The following GALNTL6 variants were observed in gnomAD, a reference collection of about 807,000 sequenced individuals.
GALNTL6 encodes polypeptide N-acetylgalactosaminyltransferase-like 6.
Under a neutral mutation model 73.7 loss-of-function variants are expected in GALNTL6, and 46 were observed. The ratio of observed to expected loss-of-function variants is 0.62; its 90% CI spans 0.49 to 0.80. The LOEUF (loss-of-function observed/expected upper bound fraction) is 0.80, where lower values mean the gene tolerates loss of function less well. Ranked by LOEUF, GALNTL6 falls within the 30% of genes least tolerant of loss-of-function variation. The pLI, the probability that GALNTL6 is intolerant of heterozygous loss-of-function variation, is 0.00. For synonymous variants in GALNTL6, 259 were observed against 263.7 expected, an observed-to-expected ratio of 0.98 and a Z score of 0.17; for missense variants, 604 against 755.0, an observed-to-expected ratio of 0.80 and a Z score of 2.34.
At chr4:172,868,536 C>A (rs1030369010) in intron 7 of GALNTL6, among the ~76,000 whole-genome samples, 1 of 152,144 alleles carries the variant, frequency 6.6e-6, no homozygotes, top group African/African-American at 2.4e-5. Context: ...GAACAATGCA[C>A]CAGTGGATCT....
chr4:172,789,042 G>A (rs1316862841), intron 5 of GALNTL6, among the ~76,000 whole-genome samples: 2 of 152,230 alleles, frequency 1.3e-5, no homozygotes, highest in African/African-American at 4.8e-5. Flanking sequence ...GTGGGGTGTA[G>A]TTTTCCCTAC....
At chr4:172,639,899 A>G (rs562366014) in intron 5 of GALNTL6, among the ~76,000 whole-genome samples, 1 of 152,148 alleles carries the variant, frequency 6.6e-6, no homozygotes, top group South Asian at 2.1e-4. Flanking sequence ...TCACTTTTGC[A>G]TCATCAAAGT....
chr4:172,377,724 G>A (rs942488705), intron 5 of GALNTL6, among the ~76,000 whole-genome samples: 9 of 152,130 alleles, frequency 5.9e-5, no homozygotes, highest in Admixed American at 4.6e-4. Flanking sequence ...AGTGCGGCAC[G>A]GGTAGGCTGG....
intron 2 of GALNTL6, among the ~76,000 whole-genome samples, chr4:171,841,831 A>G (rs934307068): frequency 1.3e-5 from 2 of 152,108 alleles, no homozygotes; most frequent in African/African-American, 4.8e-5. Context: ...GAAAAAATAA[A>G]ACTAAGTATA....
In GALNTL6 at chr4:172,053,100, G is replaced by A. The variant is rs554391405; in HGVS notation, c.139-176556G>A. The stretch of plus-strand genomic sequence containing the variant: ...TAAAATACAAATAAATACAACTAAG[G>A]CTGATTTTAAGATAAATGAACTCAC... On this transcript the variant is annotated intron_variant, in intron 2 of 12. Coordinates refer to ENST00000506823, the MANE Select transcript of GALNTL6 (RefSeq NM_001034845.3). Among the ~76,000 whole-genome samples, 10 of 152,132 alleles carry A rather than the reference G, an allele frequency of 6.6e-5. No individual in the cohort carries two copies. In the South Asian group the frequency reaches 1.2e-3, roughly 19 times the overall value.
chr4:172,474,398 T>G (rs1194414774), intron 5 of GALNTL6, among the ~76,000 whole-genome samples: 4 of 152,200 alleles, frequency 2.6e-5, no homozygotes, highest in Admixed American at 6.5e-5. Context: ...GTTCTAATTT[T>G]TATACTGTCT....
intron 3 of GALNTL6, among the ~76,000 whole-genome samples, chr4:172,235,506 C>T: frequency 6.6e-6 from 1 of 152,160 alleles, no homozygotes; most frequent in Non-Finnish European, 1.5e-5. Context: ...TGTGCCAGGA[C>T]AAAAATTTGT....
chr4:172,086,225 A>G (rs191594935), intron 2 of GALNTL6, among the ~76,000 whole-genome samples: 83 of 152,252 alleles, frequency 5.5e-4, no homozygotes, highest in Non-Finnish European at 9.0e-4. Context: ...GTAGAAAATT[A>G]ATACTATGAT....
At chr4:172,388,982 T>C (rs905988121) in intron 5 of GALNTL6, among the ~76,000 whole-genome samples, 3 of 152,038 alleles carry the variant, frequency 2.0e-5, no homozygotes, top group Admixed American at 2.0e-4. Context: ...TTTTTCCAAT[T>C]CCTAATATTT....
In GALNTL6 at chr4:172,438,134, G is replaced by T. The variant is rs565879385; in HGVS notation, c.553+89445G>T. ...ATTTTAGCTGTGATTCATTGACAGT[G>T]CTTTTGAGAATGTATTTGCTACATT... On this transcript the variant is annotated intron_variant, in intron 5 of 12. Transcript: ENST00000506823. Among the ~76,000 whole-genome samples the T allele has an allele frequency of 7.9e-5, 12 of 152,092 alleles. No individual in the cohort carries two copies. In the East Asian group the frequency reaches 2.3e-3, roughly 29 times the overall value.
At chr4:171,849,458 T>G (rs375771025) in intron 2 of GALNTL6, among the ~76,000 whole-genome samples, 85 of 152,328 alleles carry the variant, frequency 5.6e-4, no homozygotes, top group African/African-American at 1.9e-3. Context: ...TCTTTTTTCA[T>G]GGACAGTATA....
intron 2 of GALNTL6, among the ~76,000 whole-genome samples, chr4:172,126,942 G>A (rs1733312645): frequency 1.3e-5 from 2 of 152,212 alleles, no homozygotes; most frequent in Admixed American, 6.5e-5. Flanking sequence ...GCTGTCCTCA[G>A]CAGGAAGCCA....
chr4:172,841,783 T>C (rs1033512715), intron 7 of GALNTL6, among the ~76,000 whole-genome samples: 7 of 152,186 alleles, frequency 4.6e-5, no homozygotes, highest in Non-Finnish European at 8.8e-5. Context: ...GGATTACATT[T>C]CCAGATGAGA....
intron 2 of GALNTL6, among the ~76,000 whole-genome samples, chr4:171,874,237 C>T (rs962878415): frequency 6.6e-6 from 1 of 152,172 alleles, no homozygotes; most frequent in Non-Finnish European, 1.5e-5. Flanking sequence ...CAAAGTCATT[C>T]TGTCATCCAG....
At chr4:171,817,483 C>A (rs1734552633) in intron 2 of GALNTL6, among the ~76,000 whole-genome samples, 1 of 151,044 alleles carries the variant, frequency 6.6e-6, no homozygotes, top group African/African-American at 2.4e-5. Flanking sequence ...ATTCTGCAAT[C>A]TGAAGTAAAT....
intron 5 of GALNTL6, among the ~76,000 whole-genome samples, chr4:172,801,930 T>A (rs1467320514): frequency 6.6e-6 from 1 of 152,148 alleles, no homozygotes; most frequent in African/African-American, 2.4e-5. Context: ...TTCATGATGA[T>A]CCACTTCCAT....
chr4:172,826,684 C>G (rs1187659041), intron 7 of GALNTL6, among the ~76,000 whole-genome samples: 2 of 152,306 alleles, frequency 1.3e-5, no homozygotes, highest in South Asian at 4.1e-4. Context: ...CTACCCATCC[C>G]GTAGGGAGAG....
intron 2 of GALNTL6, among the ~76,000 whole-genome samples, chr4:171,831,857 G>C (rs779395620): frequency 5.9e-5 from 9 of 151,470 alleles, no homozygotes; most frequent in Non-Finnish European, 1.2e-4. Context: ...ATATGTCCTT[G>C]GGTATCATTT....
chr4:172,964,430 T>C (rs751213994), intron 10 of GALNTL6, among the ~76,000 whole-genome samples: 11 of 152,230 alleles, frequency 7.2e-5, no homozygotes, highest in Non-Finnish European at 1.3e-4. Flanking sequence ...GTCCTCAATG[T>C]GCCAATCTGG....
Sources: allele counts gnomAD v4.1 joint callset (sites outside exome capture counted in the v4.1 genomes callset), GRCh38; gene constraint gnomAD v4.1.1; transcripts MANE v1.5; gene names NCBI Gene and HGNC (gene_info 2026-07-23, HGNC 2026-07-21).